DCLK3: variants seen among roughly 807,000 people sequenced by gnomAD.
DCLK3 encodes doublecortin like kinase 3.
In DCLK3, 30 loss-of-function variants were observed where a neutral mutation model predicts 46.4. The ratio of observed to expected loss-of-function variants is 0.65; its 90% CI spans 0.48 to 0.88. The LOEUF is 0.88. DCLK3 is among the 40% of genes least tolerant of loss of function. The pLI is 0.00. For missense variants in DCLK3, 846 were observed against 907.1 expected (o/e 0.93, Z 0.87); for synonymous variants, 401 against 339.2 (o/e 1.18, Z -2.00).
In DCLK3 at chr3:36,737,751, T is replaced by A. The variant is rs556230730; in HGVS notation, c.1416A>T (p.Pro472=). 5 of 1,614,190 alleles carry A rather than the reference T, an allele frequency of 3.1e-6. No homozygotes were observed. In the South Asian group the frequency reaches 5.5e-5, roughly 18 times the overall value. ...TCATCCTTCTGCCTCCAGACATACA[T>A]GGCTTTTTCTCCTTCTCTGCCTCCT... is the stretch of plus-strand genomic sequence containing the variant. The part of the protein sequence containing the change: ...EEKEAEKEKK[P]CMSGGRRMTL... Residue 472 remains proline, a synonymous_variant, in exon 2 of 5, where the codon CCA becomes CCT. Transcript: ENST00000636136. This position sits in a 1 kb window ranked among gnomAD's most constrained non-coding sequence, Gnocchi z 4.4.
intron 1 of DCLK3, among the ~76,000 whole-genome samples, chr3:36,763,456 C>T (rs911703492): frequency 2.0e-5 from 3 of 152,218 alleles, no homozygotes; most frequent in Non-Finnish European, 4.4e-5. Flanking sequence ...TAAATGTGAT[C>T]CTATATTTGA....
intron 1 of DCLK3, among the ~76,000 whole-genome samples, chr3:36,761,547 A>G (rs1701539206): frequency 6.6e-6 from 1 of 152,200 alleles, no homozygotes; most frequent in African/African-American, 2.4e-5. Flanking sequence ...CCACGTATGC[A>G]TCTTCAAAAG....
chr3:36,743,925 G>T (rs766799043), intron 1 of DCLK3, among the ~76,000 whole-genome samples: 1 of 152,044 alleles, frequency 6.6e-6, no homozygotes, highest in African/African-American at 2.4e-5. Context: ...CTCTGTCCTC[G>T]TAAGTTCGCA....
chr3:36,741,876 G>T (rs1384201541), intron 1 of DCLK3, among the ~76,000 whole-genome samples: 1 of 152,214 alleles, frequency 6.6e-6, no homozygotes, highest in Non-Finnish European at 1.5e-5. Flanking sequence ...CAGACCTGGG[G>T]AGCTAAATTC....
chr3:36,737,937 C>T lies in DCLK3; in HGVS notation c.1230G>A (p.Lys410=). The change falls in exon 2 of 5, where the codon AAG becomes AAA. Residue 410 remains lysine (K), a synonymous_variant. Coordinates refer to ENST00000636136, the MANE Select transcript of DCLK3 (RefSeq NM_001394672.2). This position sits in a 1 kb window ranked among gnomAD's most constrained non-coding sequence, Gnocchi z 4.4. Reference sequence around the variant, plus strand: ...GAACTTCCACAAGGTCCTTCTTGGCCTTGGCTGCTCCCTGAGCATGGCTTT... The same window carrying T: ...GAACTTCCACAAGGTCCTTCTTGGCTTTGGCTGCTCCCTGAGCATGGCTTT... ...DQESHAQGAA[K]AKKDLVEVLP... is the part of the protein sequence containing the mutation. 1.2e-6 allele frequency: 2 copies of T among 1,614,132 alleles called. No individual in the cohort carries two copies. Among genetic ancestry groups the T allele is most frequent in the Non-Finnish European group, 1.7e-6 (2 of 1,180,016 alleles).
intron 1 of DCLK3, among the ~76,000 whole-genome samples, chr3:36,752,762 GAT>G (rs1701453193): frequency 6.6e-6 from 1 of 152,108 alleles, no homozygotes; most frequent in South Asian, 2.1e-4. Context: ...TATCACCATT[GAT>G]ATGACAATTT....
At chr3:36,732,004 CT>C (rs745421777) in intron 2 of DCLK3, among the ~76,000 whole-genome samples, 18 of 152,178 alleles carry the variant, frequency 1.2e-4, no homozygotes, top group Non-Finnish European at 2.4e-4. Flanking sequence ...CCTCAAATGG[CT>C]CACAAGAATA....
At chr3:36,716,355 C>T (rs756975833) in intron 4 of DCLK3, among the ~76,000 whole-genome samples, 2 of 152,162 alleles carry the variant, frequency 1.3e-5, no homozygotes, top group Admixed American at 6.5e-5. Flanking sequence ...CACCAATCAC[C>T]GCTCCCCTCC....
chr3:36,728,253 A>AT (rs1701148862), intron 2 of DCLK3, among the ~76,000 whole-genome samples: 1 of 152,146 alleles, frequency 6.6e-6, no homozygotes, highest in African/African-American at 2.4e-5. Flanking sequence ...AAGTATCGTG[A>AT]TCCCCAGCTC....
intron 1 of DCLK3, among the ~76,000 whole-genome samples, chr3:36,751,860 T>C (rs540613387): frequency 6.6e-6 from 1 of 152,344 alleles, no homozygotes; most frequent in South Asian, 2.1e-4. Context: ...TCCACAGTAG[T>C]GTTCAATGAA....
Position 36,738,062 on chromosome 3 carries a change from C to A in DCLK3, c.1105G>T (p.Gly369Cys). Residue 369 changes from glycine to cysteine, a missense_variant, in exon 2 of 5, where the codon GGT (glycine) becomes TGT (cysteine). Gly to Cys is a radical substitution (Grantham distance 159). Around this residue, in one of 3 missense-constraint regions of DCLK3, gnomAD observed 553 missense variants for 543.0 expected, o/e 1.02. Coordinates refer to ENST00000636136, the MANE Select transcript of DCLK3 (RefSeq NM_001394672.2). The stretch of plus-strand genomic sequence containing the variant: ...CTGGGGCTGCTCCTGTGGCTGTCAC[C>A]CTTCCACCCTTCCTCCCCACTTGCA... Reference protein sequence around the residue: ...NPASGEEGWKGDSHRSSPRNP... With the variant: ...NPASGEEGWKCDSHRSSPRNP... 1.2e-6 allele frequency: 2 copies of A among 1,613,676 alleles called. No individual in the cohort carries two copies. The highest frequency in any genetic ancestry group is 1.7e-6 in the Non-Finnish European group (2 of 1,179,826).
At chr3:36,721,688 C>G (rs1454230105) in intron 2 of DCLK3, 29 bp from the exon 3 acceptor site, 2 of 1,613,574 alleles carry the variant, frequency 1.2e-6, no homozygotes, top group East Asian at 4.5e-5. Flanking sequence ...CCCAAACCAC[C>G]AAAATTGTGA....
In DCLK3 at chr3:36,738,357, C is replaced by T; in HGVS notation, c.810G>A (p.Glu270=). Residue 270 remains glutamate (E), a synonymous_variant, in exon 2 of 5, where the codon GAG becomes GAA. Transcript: ENST00000636136. ...TQKKWGRGKW[E]PEPSSKPPRE... ...TGGGGGGCTTGCTACTGGGTTCTGG[C>T]TCCCATTTCCCCCTCCCCCACTTCT... 2.7e-6 allele frequency: 4 copies of T among 1,505,048 alleles called. No individual in the cohort carries two copies. The highest frequency in any genetic ancestry group is 1.4e-5 in the South Asian group (1 of 71,920). 93.2% of individuals were successfully genotyped at this position (1,505,048 alleles called of 1,614,324 possible). A position where few individuals can be genotyped will look rare whatever the true frequency, so the allele number is the denominator to read the frequency against.
chr3:36,752,934 C>T (rs1197894564), intron 1 of DCLK3, among the ~76,000 whole-genome samples: 3 of 152,120 alleles, frequency 2.0e-5, no homozygotes, highest in African/African-American at 7.2e-5. Flanking sequence ...ATATGTGAGC[C>T]AATGAACAAA....
chr3:36,757,160 A>G (rs932308924), intron 1 of DCLK3, among the ~76,000 whole-genome samples: 6 of 152,192 alleles, frequency 3.9e-5, no homozygotes, highest in Admixed American at 1.3e-4. Flanking sequence ...ATTTTACTCT[A>G]GAAACCACAG....
chr3:36,741,450 G>A (rs550138989), intron 1 of DCLK3, among the ~76,000 whole-genome samples: 2 of 152,272 alleles, frequency 1.3e-5, no homozygotes, highest in South Asian at 4.1e-4. Context: ...GGATAGGCAG[G>A]CCCAAAGGAT....
At chr3:36,722,759 C>T (rs1701077977) in intron 2 of DCLK3, among the ~76,000 whole-genome samples, 1 of 152,224 alleles carries the variant, frequency 6.6e-6, no homozygotes, top group South Asian at 2.1e-4. Context: ...TCCTCCTTGC[C>T]TTCCACCATA....
chr3:36,723,125 T>C (rs1201267148), intron 2 of DCLK3, among the ~76,000 whole-genome samples: 1 of 152,216 alleles, frequency 6.6e-6, no homozygotes, highest in Non-Finnish European at 1.5e-5. Context: ...TGTTGGGAAC[T>C]GGGACAAAGG....
At chr3:36,729,243 G>A (rs1340851796) in intron 2 of DCLK3, among the ~76,000 whole-genome samples, 1 of 61,448 alleles carries the variant, frequency 1.6e-5, no homozygotes, top group African/African-American at 5.4e-5. Flanking sequence ...GGTTGTGTGT[G>A]TGTGTGGGGG....
Sources: gnomAD v4.1 joint callset for allele counts (sites outside exome capture counted in the v4.1 genomes callset) on GRCh38, gnomAD v4.1.1 for gene constraint, gnomAD v4.1.1 regional missense constraint, Gnocchi (gnomAD v3.1) non-coding constraint, MANE v1.5 for transcripts, NCBI Gene and HGNC (gene_info 2026-07-23, HGNC 2026-07-21) for gene names.